FOXP2: variants seen among roughly 807,000 people sequenced by gnomAD.
The protein encoded by FOXP2 is forkhead box P2, also known as forkhead box protein P2.
In FOXP2, 12 loss-of-function variants were observed where a neutral mutation model predicts 115.8. The ratio of observed to expected loss-of-function variants is 0.10; its 90% CI spans 0.07 to 0.17. FOXP2 has a LOEUF of 0.17. Ranked by LOEUF, FOXP2 falls within the 10% of genes least tolerant of loss-of-function variation. The pLI is 1.00. For synonymous variants in FOXP2, 328 were observed against 297.7 expected (o/e 1.10, Z -1.05); for missense variants, 629 against 843.5 (o/e 0.75, Z 3.15).
At chr7:114,407,313 C>G (rs564853697) in intron 2 of FOXP2, among the ~76,000 whole-genome samples, 1 of 151,856 alleles carries the variant, frequency 6.6e-6, no homozygotes, top group Non-Finnish European at 1.5e-5. Context: ...ACTAATATAA[C>G]AATCAAACAT....
chr7:114,360,533 A>G (rs1449312727), intron 2 of FOXP2, among the ~76,000 whole-genome samples: 1 of 152,180 alleles, frequency 6.6e-6, no homozygotes, highest in Non-Finnish European at 1.5e-5. Context: ...CACTAAGTCA[A>G]TCTACTCCCA....
At chr7:114,164,968 T>G (rs1385597568) in intron 1 of FOXP2, among the ~76,000 whole-genome samples, 1 of 78,274 alleles carries the variant, frequency 1.3e-5, no homozygotes, top group Non-Finnish European at 2.9e-5. Flanking sequence ...CCCCCAAAAT[T>G]ATACAGTATG....
chr7:114,318,348 A>G (rs1043889820), intron 2 of FOXP2, among the ~76,000 whole-genome samples: 14 of 128,090 alleles, frequency 1.1e-4, no homozygotes, highest in Admixed American at 6.3e-4. Flanking sequence ...TCGCTACAGT[A>G]TGTTTTCTAC....
intron 2 of FOXP2, among the ~76,000 whole-genome samples, chr7:114,472,990 C>G (rs574953280): frequency 2.6e-5 from 4 of 152,244 alleles, no homozygotes; most frequent in Middle Eastern, 6.8e-3. Context: ...CTTCAGCAGA[C>G]ATCATGATAA....
At chr7:114,278,570 T>C (rs1584602546) in intron 1 of FOXP2, among the ~76,000 whole-genome samples, 1 of 152,134 alleles carries the variant, frequency 6.6e-6, no homozygotes, top group African/African-American at 2.4e-5. Flanking sequence ...GCCAGGCTGG[T>C]CTTGAACTCC....
intron 1 of FOXP2, chr7:114,416,570 C>T (rs1170559684): frequency 1.4e-5 from 2 of 147,848 alleles, no homozygotes; most frequent in Admixed American, 1.3e-4. Context: ...TCTTGAATCA[C>T]TTTCACCGTC....
chr7:114,693,462 C>T lies in FOXP2; in HGVS notation c.*3536C>T, dbSNP rs1024644110. 6.6e-6 allele frequency: 3 copies of T among 452,956 alleles called. No individual in the cohort carries two copies. Among genetic ancestry groups the T allele is most frequent in the South Asian group, 3.1e-5 (2 of 64,326 alleles). 28.1% of individuals were successfully genotyped at this position (452,956 alleles called of 1,614,324 possible). On this transcript the variant is annotated 3_prime_UTR_variant, in exon 17 of 17. Coordinates refer to ENST00000350908, the MANE Select transcript of FOXP2 (RefSeq NM_014491.4). ...TACATTTTTGAGAATTTTGAGACTT[C>T]ATCTTACACATGCCAGTATTAACAC...
intron 2 of FOXP2, among the ~76,000 whole-genome samples, chr7:114,406,672 A>G (rs1434172079): frequency 6.6e-6 from 1 of 152,034 alleles, no homozygotes; most frequent in Non-Finnish European, 1.5e-5. Context: ...AAGTTAAAAA[A>G]GAAAGTGTTT....
chr7:114,298,914 A>C (rs888366682), intron 2 of FOXP2, among the ~76,000 whole-genome samples: 3 of 152,188 alleles, frequency 2.0e-5, no homozygotes, highest in African/African-American at 7.2e-5. Flanking sequence ...AGGCACGTGG[A>C]GTAAGGTATG....
chr7:114,361,436 A>C (rs1326221854), intron 2 of FOXP2, among the ~76,000 whole-genome samples: 3 of 152,044 alleles, frequency 2.0e-5, no homozygotes, highest in African/African-American at 7.2e-5. Context: ...CAAGAAAGAC[A>C]ATCCTAGCTA....
chr7:114,525,452 G>T (rs1439933754), intron 2 of FOXP2, among the ~76,000 whole-genome samples: 3 of 151,956 alleles, frequency 2.0e-5, no homozygotes, highest in Non-Finnish European at 1.5e-5. Flanking sequence ...AGAAAATACC[G>T]ATATATTTAT....
Position 114,490,120 on chromosome 7 carries a change from A to T in FOXP2, c.169-44497A>T, listed in dbSNP as rs190482105. ...ATATCCACACAACAATCTGCATATG[A>T]ATGTTTATAGTAGGGTTAATTATAA... On this transcript the variant is annotated intron_variant, in intron 2 of 16. Transcript: ENST00000350908. Among the ~76,000 whole-genome samples the T allele has an allele frequency of 1.5e-3, 231 of 152,248 alleles. 2 individuals carry two copies. Among genetic ancestry groups the T allele is most frequent in the African/African-American group, 5.1e-3 (212 of 41,548 alleles).
rs146584296 is a variant in FOXP2, at chr7:114,348,113, T to A, written c.-11+60004T>A. ...TTCTATTAGAGAATTACGTGGTAAA[T>A]CACAGTTGAAATACAAGAGTTTTAT... On this transcript the variant is annotated intron_variant, in intron 2 of 17. Transcript: ENST00000634411. Among the ~76,000 whole-genome samples, 1,384 of 152,172 alleles carry A rather than the reference T, an allele frequency of 9.1e-3. 16 individuals carry two copies. The highest frequency in any genetic ancestry group is 0.014 in the Non-Finnish European group (943 of 67,946).
intron 2 of FOXP2, among the ~76,000 whole-genome samples, chr7:114,384,124 G>A (rs10229691): frequency 0.39 from 58,385 of 150,722 alleles, 12,165 homozygotes; most frequent in African/African-American, 0.52. Flanking sequence ...TACGCTCGCC[G>A]ATGTAGCAGT....
intron 2 of FOXP2, among the ~76,000 whole-genome samples, chr7:114,393,434 A>G (rs1014818275): frequency 4.6e-5 from 7 of 152,034 alleles, no homozygotes; most frequent in Non-Finnish European, 1.0e-4. Flanking sequence ...AGGAAGGTGT[A>G]TACAAATGAG....
intron 2 of FOXP2, among the ~76,000 whole-genome samples, chr7:114,329,451 G>A (rs572719944): frequency 2.9e-4 from 44 of 150,734 alleles, no homozygotes; most frequent in African/African-American, 9.5e-4. Flanking sequence ...CCCAGGAGGC[G>A]GAGGTTGCAG....
intron 2 of FOXP2, among the ~76,000 whole-genome samples, chr7:114,298,651 C>T (rs1166354906): frequency 6.6e-6 from 1 of 152,174 alleles, no homozygotes; most frequent in Non-Finnish European, 1.5e-5. Flanking sequence ...TACTGTGTGA[C>T]AGAACTAAGA....
intron 2 of FOXP2, among the ~76,000 whole-genome samples, chr7:114,390,060 A>G (rs555312329): frequency 6.6e-6 from 1 of 152,060 alleles, no homozygotes; most frequent in African/African-American, 2.4e-5. Flanking sequence ...CAAGTTAAAA[A>G]AAAAGATTAG....
intron 2 of FOXP2, among the ~76,000 whole-genome samples, chr7:114,432,447 A>G (rs758798055): frequency 2.0e-5 from 3 of 151,992 alleles, no homozygotes; most frequent in South Asian, 2.1e-4. Context: ...AAATGACCTC[A>G]TTACTTTTAT....
Sources: gnomAD v4.1 joint callset for allele counts (sites outside exome capture counted in the v4.1 genomes callset) on GRCh38, gnomAD v4.1.1 for gene constraint, MANE v1.5 for transcripts, NCBI Gene and HGNC (gene_info 2026-07-23, HGNC 2026-07-21) for gene names.